Variants in POLR3A observed in about 807,000 individuals in gnomAD.
POLR3A encodes the protein RNA polymerase III subunit A, also known as DNA-directed RNA polymerase III subunit RPC1.
In POLR3A, 112 loss-of-function variants were observed where a neutral mutation model predicts 152.8. That is an observed-to-expected ratio of 0.73 (90% CI 0.63 to 0.86). The LOEUF (loss-of-function observed/expected upper bound fraction) is 0.86, where lower values mean the gene tolerates loss of function less well. Among genes scored for constraint, POLR3A ranks in the 40% least tolerant of loss-of-function variants. The probability of loss-of-function intolerance (pLI) is 0.00; values close to 1 mark genes in which losing one functional copy is unlikely to be tolerated. For missense variants in POLR3A, 1,385 were observed against 1,743.1 expected (o/e 0.79, Z 3.66); for synonymous variants, 615 against 652.1 (o/e 0.94, Z 0.87).
intron 23 of POLR3A, 114 bp downstream of exon 23, chr10:77,985,789 A>G: frequency 3.7e-6 from 3 of 804,500 alleles, no homozygotes; most frequent in Non-Finnish European, 6.6e-6. Context: ...GAATCTGATC[A>G]AATACTGGCA....
intron 26 of POLR3A, among the ~76,000 whole-genome samples, 177 bp from the exon 27 acceptor site, chr10:77,982,994 AT>A (rs1847163197): frequency 6.6e-6 from 1 of 152,212 alleles, no homozygotes; most frequent in South Asian, 2.1e-4. Flanking sequence ...GTGTATATAT[AT>A]CTATGCTTTA....
chr10:78,021,524 G>T, intron 8 of POLR3A, 22 bp downstream of exon 8: 1 of 1,613,126 alleles, frequency 6.2e-7, no homozygotes, highest in Non-Finnish European at 8.5e-7. Flanking sequence ...ACAAAGAATT[G>T]AGCAGCTGAG....
At chr10:78,004,179 A>T (rs1208741587) in intron 16 of POLR3A, among the ~76,000 whole-genome samples, 1 of 152,148 alleles carries the variant, frequency 6.6e-6, no homozygotes, top group Non-Finnish European at 1.5e-5. Flanking sequence ...CGTTGCAGTG[A>T]GCCAAGATCG....
At chr10:78,009,216 C>A in intron 14 of POLR3A, among the ~76,000 whole-genome samples, 1 of 151,410 alleles carries the variant, frequency 6.6e-6, no homozygotes, top group East Asian at 1.9e-4. Flanking sequence ...GTTTATTGCC[C>A]CCCCCGCCGC....
At position 78,024,698 on chromosome 10, in the gene POLR3A, C is replaced by T. The variant is rs370515749; in HGVS notation, c.496G>A (p.Val166Ile). 78 of 1,612,484 alleles carry T rather than the reference C, an allele frequency of 4.8e-5. 1 individual carries two copies. Among genetic ancestry groups the T allele is most frequent in the Middle Eastern group, 1.7e-4 (1 of 6,044 alleles). Residue 166 changes from valine (V) to isoleucine (I), a missense_variant, in exon 5 of 31, where the codon GTA becomes ATA. This residue lies in a region of POLR3A where 493 missense variants were observed against 647.5 expected (regional missense o/e 0.76). Coordinates refer to ENST00000372371, the MANE Select transcript of POLR3A (RefSeq NM_007055.4). Reference sequence around the variant, plus strand: ...ATTTTCAGCAGTCCACACTTCTTTACGGTACCTATAAGGGTTAGTTTATTT... The same window carrying T: ...ATTTTCAGCAGTCCACACTTCTTTATGGTACCTATAAGGGTTAGTTTATTT... ...CHHCGAFNGTVKKCGLLKIIH... is the reference protein window; with the variant it reads ...CHHCGAFNGTIKKCGLLKIIH...
intron 12 of POLR3A, 76 bp downstream of exon 12, chr10:78,010,395 T>C: frequency 8.9e-7 from 1 of 1,129,502 alleles, no homozygotes; most frequent in Non-Finnish European, 1.4e-6. Flanking sequence ...TTTCAAGTCA[T>C]CACATGAATC....
chr10:78,013,138 G>A (rs1847482844), intron 11 of POLR3A: 1 of 184,494 alleles, frequency 5.4e-6, no homozygotes, highest in African/African-American at 2.4e-5. Flanking sequence ...ATAAAGTGGT[G>A]GTAAGAGTTA....
intron 8 of POLR3A, among the ~76,000 whole-genome samples, chr10:78,020,360 T>C (rs12267160): frequency 0.032 from 4,822 of 151,490 alleles, 288 homozygotes; most frequent in African/African-American, 0.11. Context: ...CATAGTGGTG[T>C]GCATGTGTAG....
intron 19 of POLR3A, among the ~76,000 whole-genome samples, chr10:77,994,335 C>G (rs1847277661): frequency 6.6e-6 from 1 of 151,996 alleles, no homozygotes; most frequent in African/African-American, 2.4e-5. Flanking sequence ...TTGTTCTGGC[C>G]CACTCATTCA....
Position 78,012,315 on chromosome 10 carries a change from G to C in POLR3A, c.1572+1335C>G, listed in dbSNP as rs191078439. 7.5e-4 allele frequency among the ~76,000 whole-genome samples: 113 copies of C among 150,692 alleles called. 1 individual carries two copies. The East Asian group carries it at 0.015, about 20-fold the overall frequency. On this transcript the variant is annotated intron_variant, in intron 11 of 30. Transcript: ENST00000372371. ...GGAGGTAGAGGTTGCAGTGGGCTGA[G>C]ATCACATCATTGCACTCCAGCCTGG...
chr10:77,980,110 T>G, intron 30 of POLR3A, 31 bp downstream of exon 30: 1 of 1,608,676 alleles, frequency 6.2e-7, no homozygotes, highest in Non-Finnish European at 8.5e-7. Flanking sequence ...GTAAAGGCCT[T>G]TGATGCTGTT....
At position 77,981,431 on chromosome 10, in the gene POLR3A, G is replaced by A. The variant is rs1308569510; in HGVS notation, c.3888C>T (p.Tyr1296=). 1.9e-6 allele frequency: 3 copies of A among 1,613,868 alleles called. No homozygotes were observed. Among genetic ancestry groups the A allele is most frequent in the Non-Finnish European group, 2.5e-6 (3 of 1,179,892 alleles). ...CGGGGGCCTCCTGCCCACATACCTT[G>A]TAGGTCATGAGGTCGGAGAGCAGCA... ...HVMLLSDLMT[Y]KGEVLGITRF... Residue 1296 remains tyrosine (Y), a synonymous_variant, in exon 29 of 31, where the codon TAC becomes TAT. Coordinates refer to ENST00000372371, the MANE Select transcript of POLR3A (RefSeq NM_007055.4).
intron 15 of POLR3A, among the ~76,000 whole-genome samples, chr10:78,007,078 CA>C (rs535761522): frequency 6.7e-6 from 1 of 149,838 alleles, no homozygotes; most frequent in Non-Finnish European, 1.5e-5. Context: ...CTTCAAAAAA[CA>C]AAAAAAAATC....
chr10:77,990,686 G>A (rs549569327), intron 21 of POLR3A, among the ~76,000 whole-genome samples: 6 of 149,702 alleles, frequency 4.0e-5, no homozygotes, highest in South Asian at 2.1e-4. Context: ...GTGCCATCCC[G>A]GTGTACTGCA....
rs188226417 is a variant in POLR3A at position 78,004,239 on chromosome 10, C to G, written c.2247+477G>C. ...GAGTGCTTCATAAAACTATGAAAAG[C>G]GAGACTCCGTCTCAAACAAAAACAA... On this transcript the variant is annotated intron_variant, in intron 16 of 30. Transcript: ENST00000372371. 2.6e-3 allele frequency among the ~76,000 whole-genome samples: 396 copies of G among 151,944 alleles called. 2 individuals carry two copies. Among genetic ancestry groups the G allele is most frequent in the African/African-American group, 8.2e-3 (341 of 41,440 alleles).
chr10:78,009,333 T>C (rs895260358), intron 14 of POLR3A, among the ~76,000 whole-genome samples: 5 of 152,140 alleles, frequency 3.3e-5, no homozygotes, highest in African/African-American at 9.7e-5. Context: ...TGTGTCTACA[T>C]GATCTCTACT....
chr10:77,982,093 C>CCTGCAGAT, intron 28 of POLR3A, 61 bp downstream of exon 28: 4 of 1,124,464 alleles, frequency 3.6e-6, no homozygotes. Flanking sequence ...CAGTGGAAGG[C>CCTGCAGAT]CTGCAGATGG....
At position 78,026,166 on chromosome 10, in the gene POLR3A, A is replaced by G; in HGVS notation, c.108T>C (p.Val36=). 6.2e-7 allele frequency: 1 copy of G among 1,614,218 alleles called. No homozygotes were observed. The highest frequency in any genetic ancestry group is 8.5e-7 in the Non-Finnish European group (1 of 1,180,028). ...CCTGGCTGTACAGGTTCTTACTCAC[A>G]ACTTGGATGTGCGCCTGCTGGCGCA... is the stretch of plus-strand genomic sequence containing the variant. ...EEMRQQAHIQ[V]VSKNLYSQDN... The change falls in exon 2 of 31, where the codon GTT becomes GTC. Residue 36 remains valine (V), a synonymous_variant. Transcript: ENST00000372371.
At chr10:77,984,148 C>T in intron 25 of POLR3A, 57 bp downstream of exon 25, 2 of 1,324,370 alleles carry the variant, frequency 1.5e-6, no homozygotes, top group South Asian at 2.3e-5. Flanking sequence ...GATTTTTACA[C>T]TTCCTTGCAA....
Sources: allele counts gnomAD v4.1 joint callset (sites outside exome capture counted in the v4.1 genomes callset), GRCh38; gene constraint gnomAD v4.1.1; regional missense constraint gnomAD v4.1.1; transcripts MANE v1.5; gene names NCBI Gene and HGNC (gene_info 2026-07-23, HGNC 2026-07-21).